Variants in CSMD1 observed in about 807,000 individuals in gnomAD.
The protein encoded by CSMD1 is CUB and sushi domain-containing protein 1.
A neutral mutation model predicts 417.5 loss-of-function variants in CSMD1; 213 were observed. That is an observed-to-expected ratio of 0.51 (90% CI 0.46 to 0.57). CSMD1 has a LOEUF of 0.57. Ranked by LOEUF, CSMD1 falls within the 20% of genes least tolerant of loss-of-function variation. CSMD1 has a pLI of 0.00. For missense variants in CSMD1, 6,923 were observed against 4,529.7 expected (o/e 1.53, Z -15.17); for synonymous variants, 2,862 against 1,736.8 (o/e 1.65, Z -16.11).
At chr8:4,378,798 G>A (rs572847481) in intron 3 of CSMD1, among the ~76,000 whole-genome samples, 8 of 152,260 alleles carry the variant, frequency 5.3e-5, no homozygotes, top group East Asian at 3.9e-4. Context: ...CTTGTAAGAC[G>A]TCAAGGGAGC....
intron 23 of CSMD1, among the ~76,000 whole-genome samples, chr8:3,339,074 G>A (rs28438824): frequency 7.5e-5 from 11 of 147,476 alleles, no homozygotes; most frequent in Non-Finnish European, 1.6e-4. Context: ...CTATGAGTGA[G>A]AATATGCGGT....
chr8:4,823,098 C>T (rs1028635709), intron 1 of CSMD1, among the ~76,000 whole-genome samples: 1 of 152,040 alleles, frequency 6.6e-6, no homozygotes, highest in African/African-American at 2.4e-5. Flanking sequence ...TGTCTTGATA[C>T]AGCATGAATA....
chr8:4,007,490 C>G lies in CSMD1; in HGVS notation c.611-9380G>C, dbSNP rs1424270762. Among the ~76,000 whole-genome samples the G allele has an allele frequency of 7.9e-5, 12 of 152,108 alleles. 1 individual carries two copies. The highest frequency in any genetic ancestry group is 1.8e-4 in the Non-Finnish European group (12 of 68,016). ...AGCCCCTCACAAGGCACTTTCCTGC[C>G]CGCCCTCTCTGGCCACCATATTTAA... On this transcript the variant is annotated intron_variant, in intron 4 of 69. Coordinates refer to ENST00000635120, the MANE Select transcript of CSMD1 (RefSeq NM_033225.6).
intron 1 of CSMD1, among the ~76,000 whole-genome samples, chr8:4,660,812 T>C (rs1227890755): frequency 6.6e-6 from 1 of 151,968 alleles, no homozygotes; most frequent in Non-Finnish European, 1.5e-5. Context: ...ATGGGCAAAA[T>C]TATGAAGACA....
chr8:4,724,519 T>C (rs1809284121), intron 1 of CSMD1, among the ~76,000 whole-genome samples: 1 of 134,736 alleles, frequency 7.4e-6, no homozygotes, highest in African/African-American at 3.2e-5. Flanking sequence ...TTTATATATA[T>C]ATGTGTGTGT....
intron 12 of CSMD1, among the ~76,000 whole-genome samples, chr8:3,429,166 A>G (rs764012153): frequency 2.0e-5 from 3 of 152,316 alleles, no homozygotes; most frequent in South Asian, 4.1e-4. Flanking sequence ...ATATTTCAAA[A>G]TAGCTAGAAG....
chr8:4,372,984 C>T (rs1487630891), intron 3 of CSMD1, among the ~76,000 whole-genome samples: 4 of 152,168 alleles, frequency 2.6e-5, no homozygotes, highest in Non-Finnish European at 5.9e-5. Context: ...TATAAAGTGA[C>T]TTCACACTGG....
intron 5 of CSMD1, among the ~76,000 whole-genome samples, chr8:3,863,082 A>G (rs1331389527): frequency 6.6e-6 from 1 of 152,140 alleles, no homozygotes; most frequent in Non-Finnish European, 1.5e-5. Context: ...AGGAGAGGCA[A>G]GAGAGATCCC....
chr8:3,704,620 G>T (rs934914686), intron 7 of CSMD1: 4 of 152,218 alleles, frequency 2.6e-5, no homozygotes, highest in Non-Finnish European at 4.4e-5. Context: ...CTTGTGAAAA[G>T]CTTTCTTCTC....
rs6995744 is a variant in CSMD1 at position 4,795,951 on chromosome 8, T to A, written c.86-158393A>T. ...CAAGGCTTTTTAAGCCATCACTACT[T>A]GATATTATGTTATTTCTTTTAAGCC... On this transcript the variant is annotated intron_variant, in intron 1 of 69. Coordinates refer to ENST00000635120, the MANE Select transcript of CSMD1 (RefSeq NM_033225.6). Among the ~76,000 whole-genome samples the A allele has an allele frequency of 4.2e-3, 636 of 152,248 alleles. 8 individuals carry two copies. Among genetic ancestry groups the A allele is most frequent in the African/African-American group, 0.015 (619 of 41,542 alleles).
chr8:3,478,677 A>G (rs993831013), intron 11 of CSMD1, among the ~76,000 whole-genome samples: 3 of 152,272 alleles, frequency 2.0e-5, no homozygotes, highest in African/African-American at 7.2e-5. Flanking sequence ...CTCCAGATGC[A>G]ACTGTGACCC....
rs188502348 is a variant in CSMD1 at position 4,845,279 on chromosome 8, C to T, written c.85+149053G>A. ...ACACAAGAAAGCCATCAACATTTTTCGATTTAGAAAACGAACACTGTTAAT... is the reference window on the plus strand; with the variant it reads ...ACACAAGAAAGCCATCAACATTTTTTGATTTAGAAAACGAACACTGTTAAT... On this transcript the variant is annotated intron_variant, in intron 1 of 69. Coordinates refer to ENST00000635120, the MANE Select transcript of CSMD1 (RefSeq NM_033225.6). Among the ~76,000 whole-genome samples the T allele has an allele frequency of 3.2e-3, 491 of 152,232 alleles. 1 individual carries two copies. The highest frequency in any genetic ancestry group is 0.011 in the African/African-American group (468 of 41,546).
At chr8:4,186,675 T>C (rs1221932870) in intron 3 of CSMD1, among the ~76,000 whole-genome samples, 1 of 152,070 alleles carries the variant, frequency 6.6e-6, no homozygotes, top group African/African-American at 2.4e-5. Flanking sequence ...TCAGTATATT[T>C]GTTTTCTATT....
intron 1 of CSMD1, among the ~76,000 whole-genome samples, chr8:4,800,514 C>G (rs76095479): frequency 0.064 from 9,725 of 151,606 alleles, 508 homozygotes; most frequent in East Asian, 0.23. Context: ...TCAATGCTGA[C>G]ACAAGTATTC....
intron 68 of CSMD1, among the ~76,000 whole-genome samples, chr8:2,945,177 A>G (rs1361431344): frequency 6.6e-6 from 1 of 152,234 alleles, no homozygotes; most frequent in Non-Finnish European, 1.5e-5. Flanking sequence ...CCTACAAGGT[A>G]GTTCCTCTTT....
At chr8:3,824,124 G>T (rs866678033) in intron 5 of CSMD1, among the ~76,000 whole-genome samples, 1 of 151,974 alleles carries the variant, frequency 6.6e-6, no homozygotes, top group Non-Finnish European at 1.5e-5. Flanking sequence ...TATGTCGGAA[G>T]AAATATCTCA....
intron 54 of CSMD1, among the ~76,000 whole-genome samples, chr8:2,986,829 A>C (rs1805953366): frequency 6.6e-6 from 1 of 152,150 alleles, no homozygotes; most frequent in African/African-American, 2.4e-5. Flanking sequence ...TACCAAAGAA[A>C]ATATGCCTAA....
intron 12 of CSMD1, among the ~76,000 whole-genome samples, chr8:3,450,884 C>G (rs367970039): frequency 2.0e-5 from 3 of 151,764 alleles, no homozygotes; most frequent in African/African-American, 4.8e-5. Context: ...CCTGAGGAAT[C>G]GCCACACTGA....
chr8:4,673,595 G>T (rs1805487454), intron 1 of CSMD1, among the ~76,000 whole-genome samples: 1 of 152,096 alleles, frequency 6.6e-6, no homozygotes, highest in South Asian at 2.1e-4. Flanking sequence ...GAAACTCTGG[G>T]GGCAATTCAC....
Sources: allele counts gnomAD v4.1 joint callset (sites outside exome capture counted in the v4.1 genomes callset), GRCh38; gene constraint gnomAD v4.1.1; transcripts MANE v1.5; gene names NCBI Gene and HGNC (gene_info 2026-07-23, HGNC 2026-07-21).